Variants in CRTC1 observed in about 807,000 individuals in gnomAD.
The protein encoded by CRTC1 is CREB-regulated transcription coactivator 1.
CRTC1 carries 18 observed loss-of-function variants against 66.1 expected under a neutral mutation model. The observed-to-expected ratio is 0.27, with a 90% CI of 0.19 to 0.40. The LOEUF (loss-of-function observed/expected upper bound fraction) is 0.40. CRTC1 is among the 10% of genes least tolerant of loss of function. The pLI is 1.00. For missense variants in CRTC1, 669 were observed against 887.9 expected, an observed-to-expected ratio of 0.75 and a Z score of 3.13; for synonymous variants, 416 against 398.8, an observed-to-expected ratio of 1.04 and a Z score of -0.51.
intron 6 of CRTC1, among the ~76,000 whole-genome samples, chr19:18,754,870 G>A (rs1004488199): frequency 2.6e-4 from 40 of 152,272 alleles, no homozygotes; most frequent in African/African-American, 7.5e-4. Flanking sequence ...AGGGTTGTGC[G>A]TTTTCTGTCG....
chr19:18,727,541 A>T (rs2053786460), intron 1 of CRTC1, among the ~76,000 whole-genome samples: 1 of 126,764 alleles, frequency 7.9e-6, no homozygotes, highest in African/African-American at 3.0e-5. Context: ...AGATCACGCC[A>T]CTGCACTCCA....
intron 1 of CRTC1, among the ~76,000 whole-genome samples, chr19:18,686,066 G>T (rs1262557132): frequency 1.3e-5 from 2 of 151,764 alleles, no homozygotes; most frequent in Non-Finnish European, 2.9e-5. Flanking sequence ...CACCCAGAAA[G>T]AAACCCCGTC....
chr19:18,776,216 T>G (rs1269834854), intron 13 of CRTC1, among the ~76,000 whole-genome samples: 8 of 152,182 alleles, frequency 5.3e-5, no homozygotes, highest in Admixed American at 5.2e-4. Context: ...CCCTGTCTGG[T>G]GAGCCCAGCC....
intron 1 of CRTC1, among the ~76,000 whole-genome samples, chr19:18,714,273 C>T (rs2053457164): frequency 6.6e-6 from 1 of 152,148 alleles, no homozygotes; most frequent in Non-Finnish European, 1.5e-5. Context: ...GGCGGGCGCA[C>T]TCCATCCACC....
chr19:18,740,222 C>T (rs995956155), intron 1 of CRTC1, among the ~76,000 whole-genome samples: 2 of 151,818 alleles, frequency 1.3e-5, no homozygotes, highest in Non-Finnish European at 2.9e-5. Context: ...CACTGCACTC[C>T]AGCCTGGATG....
chr19:18,708,622 G>A (rs2053317814), intron 1 of CRTC1, among the ~76,000 whole-genome samples: 2 of 152,204 alleles, frequency 1.3e-5, no homozygotes, highest in Admixed American at 6.5e-5. Flanking sequence ...GCACTTGGGA[G>A]TTAGCTGACA....
chr19:18,721,840 C>T (rs994593524), intron 1 of CRTC1, among the ~76,000 whole-genome samples: 15 of 152,154 alleles, frequency 9.9e-5, no homozygotes, highest in Admixed American at 7.9e-4. Context: ...TCATAGATGG[C>T]GGGGTTAGGA....
At chr19:18,726,929 GAAAAAAAAA>G (rs57708407) in intron 1 of CRTC1, among the ~76,000 whole-genome samples, 2 of 111,906 alleles carry the variant, frequency 1.8e-5, no homozygotes, top group East Asian at 2.8e-4. Context: ...CCGTCTTGGG[GAAAAAAAAA>G]AAAAAAAAAA....
At chr19:18,709,949 G>A (rs2053351693) in intron 1 of CRTC1, among the ~76,000 whole-genome samples, 1 of 152,184 alleles carries the variant, frequency 6.6e-6, no homozygotes. Flanking sequence ...CCTTCCAGCG[G>A]CTTCTCGTCC....
Position 18,701,917 on chromosome 19 carries a change from G to GTT in CRTC1, c.126+18092_126+18093dup, listed in dbSNP as rs1338365638. ...ATAGGCATGAGCCACCGCGCCCACC[G>GTT]TTTTGTTTTTTTTTTTTTTTTTTGA... is the stretch of plus-strand genomic sequence containing the variant. On this transcript the variant is annotated intron_variant, in intron 1 of 13. Coordinates refer to ENST00000321949, the MANE Select transcript of CRTC1 (RefSeq NM_015321.3). 2.5e-4 allele frequency among the ~76,000 whole-genome samples: 35 copies of GTT among 138,888 alleles called. 1 individual carries two copies. The highest frequency in any genetic ancestry group is 7.4e-4 in the African/African-American group (27 of 36,488). The allele number at this position is 138,888 out of a possible 152,430, so 91.1% of individuals were successfully genotyped here.
At chr19:18,751,771 C>T (rs1385035076) in intron 5 of CRTC1, among the ~76,000 whole-genome samples, 1 of 152,114 alleles carries the variant, frequency 6.6e-6, no homozygotes, top group Non-Finnish European at 1.5e-5. Flanking sequence ...ATCTGAACCC[C>T]TGTGCTTGGT....
chr19:18,705,800 T>G (rs889282645), intron 1 of CRTC1, among the ~76,000 whole-genome samples: 3 of 151,792 alleles, frequency 2.0e-5, no homozygotes, highest in Non-Finnish European at 4.4e-5. Flanking sequence ...TCCTAATATT[T>G]TTTTTTTGCA....
intron 1 of CRTC1, among the ~76,000 whole-genome samples, chr19:18,719,204 C>A (rs972300419): frequency 6.6e-6 from 1 of 152,204 alleles, no homozygotes; most frequent in African/African-American, 2.4e-5. Flanking sequence ...AACTAGTGAC[C>A]CCTCCTCTGG....
At chr19:18,737,223 G>T (rs1211263975) in intron 1 of CRTC1, among the ~76,000 whole-genome samples, 1 of 146,468 alleles carries the variant, frequency 6.8e-6, no homozygotes, top group Non-Finnish European at 1.5e-5. Flanking sequence ...GGCCTGAGAA[G>T]CCACCTTTAC....
At chr19:18,707,211 A>G (rs1248964000) in intron 1 of CRTC1, among the ~76,000 whole-genome samples, 4 of 152,134 alleles carry the variant, frequency 2.6e-5, no homozygotes, top group Non-Finnish European at 5.9e-5. Flanking sequence ...ATAGAGTTAC[A>G]GTTTTAGTTT....
chr19:18,777,233 G>A lies in CRTC1; in HGVS notation c.1756G>A (p.Asp586Asn), dbSNP rs369119551. Residue 586 changes from aspartate (D) to asparagine (N), a missense_variant, in exon 14 of 14, where the codon GAC becomes AAC. Coordinates refer to ENST00000321949, the MANE Select transcript of CRTC1 (RefSeq NM_015321.3). This position sits in a 1 kb window ranked among gnomAD's most constrained non-coding sequence, Gnocchi z 5.5. ...GACCAGCTCTCTGGCCGGGGTCGGC[G>A]ACGTCAGCTTCGACTCCGACAGCCA... The part of the protein sequence containing the change: ...ELTSSLAGVG[D>N]VSFDSDSQFP... 8 of 1,610,158 alleles carry A rather than the reference G, an allele frequency of 5.0e-6. No homozygotes were observed. The highest frequency in any genetic ancestry group is 3.3e-5 in the South Asian group (3 of 91,032).
intron 8 of CRTC1, among the ~76,000 whole-genome samples, chr19:18,761,220 C>T (rs768658375): frequency 1.2e-4 from 19 of 152,384 alleles, no homozygotes; most frequent in Middle Eastern, 3.4e-3. Flanking sequence ...GCGTTGCTTT[C>T]CTGCACCCCT....
At chr19:18,763,603 A>G (rs536076722) in intron 8 of CRTC1, among the ~76,000 whole-genome samples, 1 of 152,328 alleles carries the variant, frequency 6.6e-6, no homozygotes, top group East Asian at 1.9e-4. Context: ...TGTACTTAGA[A>G]TCAACATTGA....
chr19:18,693,629 C>G (rs2052907409), intron 1 of CRTC1, among the ~76,000 whole-genome samples: 1 of 151,484 alleles, frequency 6.6e-6, no homozygotes, highest in African/African-American at 2.4e-5. Flanking sequence ...CTACAGGCGT[C>G]CACCACCATG....
Sources: gnomAD v4.1 joint callset for allele counts (sites outside exome capture counted in the v4.1 genomes callset) on GRCh38, gnomAD v4.1.1 for gene constraint, Gnocchi (gnomAD v3.1) non-coding constraint, MANE v1.5 for transcripts, NCBI Gene and HGNC (gene_info 2026-07-23, HGNC 2026-07-21) for gene names.